LARP1B: variants seen among roughly 807,000 people sequenced by gnomAD.
The protein encoded by LARP1B is la-related protein 1B.
In LARP1B, 76 loss-of-function variants were observed where a neutral mutation model predicts 114.2. The observed-to-expected ratio is 0.67, with a 90% CI of 0.55 to 0.81. LARP1B has a LOEUF of 0.81. LARP1B is among the 30% of genes least tolerant of loss of function. LARP1B has a pLI of 0.00. For synonymous variants in LARP1B, 345 were observed against 348.0 expected (o/e 0.99, Z 0.10); for missense variants, 1,014 against 1,075.8 (o/e 0.94, Z 0.80).
At chr4:128,157,767 A>G (rs112501951) in intron 11 of LARP1B, among the ~76,000 whole-genome samples, 23 of 152,318 alleles carry the variant, frequency 1.5e-4, no homozygotes, top group African/African-American at 5.3e-4. Context: ...GAGATGTAAA[A>G]TAAAGCTCTA....
At chr4:128,190,954 T>G (rs994272993) in intron 15 of LARP1B, among the ~76,000 whole-genome samples, 79 of 152,364 alleles carry the variant, frequency 5.2e-4, no homozygotes, top group African/African-American at 1.9e-3. Flanking sequence ...ATTTGTTCTT[T>G]TGAGATTATT....
intron 15 of LARP1B, among the ~76,000 whole-genome samples, chr4:128,189,616 C>T (rs1405475744): frequency 6.6e-6 from 1 of 151,908 alleles, no homozygotes; most frequent in African/African-American, 2.4e-5. Context: ...CTTCTTACTG[C>T]CTTTGTTTGT....
chr4:128,075,733 A>T (rs1209051730), intron 3 of LARP1B, among the ~76,000 whole-genome samples: 1 of 151,302 alleles, frequency 6.6e-6, no homozygotes, highest in African/African-American at 2.4e-5. Context: ...TTTTGTAGAG[A>T]TGGGGGTTTG....
At chr4:128,205,317 A>G (rs1470570591) in intron 17 of LARP1B, among the ~76,000 whole-genome samples, 1 of 152,218 alleles carries the variant, frequency 6.6e-6, no homozygotes, top group Non-Finnish European at 1.5e-5. Flanking sequence ...ACCCAGAATG[A>G]CTTAGGATTC....
intron 1 of LARP1B, chr4:128,069,691 C>G (rs1345116261): frequency 2.5e-6 from 1 of 405,692 alleles, no homozygotes; most frequent in Non-Finnish European, 4.5e-6. Context: ...GTTTATTAAT[C>G]CCTTACTTGT....
intron 7 of LARP1B, among the ~76,000 whole-genome samples, 185 bp from the exon 8 acceptor site, chr4:128,097,997 TATTA>T (rs1561194404): frequency 6.6e-6 from 1 of 152,230 alleles, no homozygotes; most frequent in Non-Finnish European, 1.5e-5. Flanking sequence ...TAAGAGAAAT[TATTA>T]ATTCAGTAGA....
At chr4:128,214,380 C>T (rs1356371791), downstream of LARP1B, among the ~76,000 whole-genome samples, 1 of 146,422 alleles carries the variant, frequency 6.8e-6, no homozygotes, top group Non-Finnish European at 1.5e-5. Context: ...ACAGCAGTAA[C>T]CTCTGCAGAC....
At chr4:128,155,680 G>A in intron 11 of LARP1B, 1 of 1,604,068 alleles carries the variant, frequency 6.2e-7, no homozygotes. Context: ...AAGGCCTTGT[G>A]AACAGATCAG....
chr4:128,155,417 C>T (rs570625851), intron 11 of LARP1B: 11 of 657,210 alleles, frequency 1.7e-5, no homozygotes, highest in Middle Eastern at 3.6e-4. Context: ...GAACCCGGCC[C>T]GAGCTCCGGG....
At chr4:128,179,545 C>A (rs769451453) in intron 15 of LARP1B, 33 bp downstream of exon 15, 1 of 1,418,842 alleles carries the variant, frequency 7.0e-7, no homozygotes, top group South Asian at 1.3e-5. Flanking sequence ...CTTTTTTGTT[C>A]GTGATTTGAA....
intron 7 of LARP1B, among the ~76,000 whole-genome samples, chr4:128,096,245 G>A (rs57767415): frequency 0.028 from 4,200 of 151,956 alleles, 184 homozygotes; most frequent in African/African-American, 0.096. Flanking sequence ...CGCCCGCCTC[G>A]GCCTCCCAAA....
At chr4:128,111,845 C>G (rs1002160187) in intron 9 of LARP1B, among the ~76,000 whole-genome samples, 3 of 151,588 alleles carry the variant, frequency 2.0e-5, no homozygotes, top group Admixed American at 6.6e-5. Flanking sequence ...CCACGCCTGG[C>G]TAATTTTTGT....
At position 128,061,708 on chromosome 4, in the gene LARP1B, C is replaced by T. The variant is rs572997198; in HGVS notation, c.-78+307C>T. The T allele has an allele frequency of 3.8e-4, 370 of 984,938 alleles. 1 individual carries two copies. In the South Asian group the frequency reaches 0.01, roughly 27 times the overall value. The allele number at this position is 984,938 out of a possible 1,614,324, so 61.0% of individuals were successfully genotyped here. A position where few individuals can be genotyped will look rare whatever the true frequency, so the allele number is the denominator to read the frequency against. On this transcript the variant is annotated intron_variant, in intron 1 of 19. Transcript: ENST00000326639. Reference sequence around the variant, plus strand: ...GCAGAGGGACGATGTCTACTCGCGCCCCGATGCCCGCCGCCCATTCTCGGG... The same window carrying T: ...GCAGAGGGACGATGTCTACTCGCGCTCCGATGCCCGCCGCCCATTCTCGGG...
At chr4:128,076,053 G>A (rs555105340) in intron 3 of LARP1B, among the ~76,000 whole-genome samples, 3 of 151,582 alleles carry the variant, frequency 2.0e-5, no homozygotes, top group South Asian at 2.1e-4. Context: ...TTGGTCTGTC[G>A]CCCAGGCTGG....
At chr4:128,217,823 G>A (rs549542813) in intron 6 of LARP1B, among the ~76,000 whole-genome samples, 1 of 147,556 alleles carries the variant, frequency 6.8e-6, no homozygotes, top group South Asian at 2.2e-4. Flanking sequence ...GAAATAAAGG[G>A]TATTCAATTA....
intron 15 of LARP1B, among the ~76,000 whole-genome samples, chr4:128,193,589 C>T (rs1752983542): frequency 6.6e-6 from 1 of 151,860 alleles, no homozygotes; most frequent in Admixed American, 6.6e-5. Context: ...TGCTTTTTCT[C>T]CTACTCCTTT....
intron 15 of LARP1B, among the ~76,000 whole-genome samples, chr4:128,180,674 G>T (rs573515982): frequency 6.6e-6 from 1 of 152,240 alleles, no homozygotes; most frequent in East Asian, 1.9e-4. Context: ...TCTTGTCTTT[G>T]TTGCTTCCAA....
At chr4:128,209,392 G>C (rs148666180) in intron 19 of LARP1B, among the ~76,000 whole-genome samples, 250 of 152,282 alleles carry the variant, frequency 1.6e-3, no homozygotes, top group Middle Eastern at 3.4e-3. Flanking sequence ...CTGCACATCA[G>C]CTTGGGCTAC....
intron 11 of LARP1B, among the ~76,000 whole-genome samples, chr4:128,134,639 A>T (rs1176785842): frequency 6.6e-6 from 1 of 152,230 alleles, no homozygotes; most frequent in Non-Finnish European, 1.5e-5. Context: ...GAAAGGACAC[A>T]GTTAACAGTA....
Sources: gnomAD v4.1 joint callset for allele counts (sites outside exome capture counted in the v4.1 genomes callset) on GRCh38, gnomAD v4.1.1 for gene constraint, MANE v1.5 for transcripts, NCBI Gene and HGNC (gene_info 2026-07-23, HGNC 2026-07-21) for gene names.